C2orf66: variants seen among roughly 807,000 people sequenced by gnomAD.
The protein encoded by C2orf66 is uncharacterized protein C2orf66.
C2orf66 carries 6 observed loss-of-function variants against 7.0 expected under a neutral mutation model. The observed-to-expected ratio is 0.86, with a 90% CI of 0.47 to 1.69. The LOEUF (loss-of-function observed/expected upper bound fraction) is 1.69, where lower values mean the gene tolerates loss of function less well. Among genes scored for constraint, C2orf66 ranks in the 40% most tolerant of loss-of-function variants. The probability of loss-of-function intolerance (pLI) is 0.01; values close to 1 mark genes in which losing one functional copy is unlikely to be tolerated. For synonymous variants in C2orf66, 38 were observed against 43.8 expected (o/e 0.87, Z 0.52); for missense variants, 107 against 112.0 (o/e 0.96, Z 0.20).
intron 2 of C2orf66, among the ~76,000 whole-genome samples, chr2:196,806,355 G>A (rs566491418): frequency 3.3e-5 from 5 of 151,882 alleles, no homozygotes; most frequent in African/African-American, 7.2e-5. Flanking sequence ...TGGCCACCAC[G>A]CCCATCTGAT....
chr2:196,821,928 CTTTTTTTTTTT>C, the C2orf66 span, among the ~76,000 whole-genome samples: 1 of 32,274 alleles, frequency 3.1e-5, no homozygotes, highest in African/African-American at 1.2e-4. Context: ...AACCAGTGAG[CTTTTTTTTTTT>C]TTTTTTTTTT....
the C2orf66 span, among the ~76,000 whole-genome samples, chr2:196,828,232 A>T: frequency 0.032 from 1,744 of 53,804 alleles, 14 homozygotes; most frequent in East Asian, 0.056. Context: ...TCTCTCTCTC[A>T]CACACACACA....
At chr2:196,809,560 A>T, upstream of C2orf66, 1 of 542,084 alleles carries the variant, frequency 1.8e-6, no homozygotes, top group Non-Finnish European at 3.3e-6. Flanking sequence ...GCCCATGATA[A>T]TGAGAATGTT....
the C2orf66 span, among the ~76,000 whole-genome samples, chr2:196,827,062 C>A: frequency 8.6e-5 from 13 of 151,344 alleles, no homozygotes; most frequent in African/African-American, 2.2e-4. Context: ...CAAAACAAAA[C>A]AAAGCAATTG....
At chr2:196,819,916 T>G in the C2orf66 span, among the ~76,000 whole-genome samples, 1 of 152,204 alleles carries the variant, frequency 6.6e-6, no homozygotes, top group Non-Finnish European at 1.5e-5. Context: ...GAATAGTCAA[T>G]AGACCAGTAA....
the C2orf66 span, among the ~76,000 whole-genome samples, chr2:196,822,065 C>T: frequency 6.7e-6 from 1 of 148,552 alleles, no homozygotes; most frequent in East Asian, 2.1e-4. Flanking sequence ...CAGGCATGTG[C>T]CACCATGCCC....
At chr2:196,807,374 T>C in intron 2 of C2orf66, 50 bp downstream of exon 2, 4 of 1,057,250 alleles carry the variant, frequency 3.8e-6, no homozygotes, top group East Asian at 2.4e-5. Flanking sequence ...ATCTACTTTA[T>C]GGCTGACTTG....
chr2:196,822,147 T>G, the C2orf66 span, among the ~76,000 whole-genome samples: 2 of 151,676 alleles, frequency 1.3e-5, no homozygotes, highest in Non-Finnish European at 2.9e-5. Context: ...TCTCCTGACC[T>G]CAAAATCTGC....
At chr2:196,809,631 C>T, upstream of C2orf66, 2 of 316,604 alleles carry the variant, frequency 6.3e-6, no homozygotes, top group East Asian at 9.8e-5. Flanking sequence ...ATGCCTTTTT[C>T]ATCTTTGGAA....
At chr2:196,827,440 T>C in the C2orf66 span, among the ~76,000 whole-genome samples, 1 of 151,996 alleles carries the variant, frequency 6.6e-6, no homozygotes, top group South Asian at 2.1e-4. Flanking sequence ...CTCCAGTAGG[T>C]CAAAATCTTT....
the C2orf66 span, among the ~76,000 whole-genome samples, chr2:196,820,626 T>C: frequency 6.6e-6 from 1 of 152,166 alleles, no homozygotes; most frequent in African/African-American, 2.4e-5. Context: ...ATAAGAGAGA[T>C]TGAGTTTTCA....
upstream of C2orf66, among the ~76,000 whole-genome samples, chr2:196,812,134 TGA>T (rs1169749433): frequency 1.3e-5 from 2 of 152,222 alleles, no homozygotes; most frequent in Non-Finnish European, 2.9e-5. Flanking sequence ...TGTTAAAATA[TGA>T]GAGACTTGTT....
At chr2:196,820,931 G>C in the C2orf66 span, among the ~76,000 whole-genome samples, 2 of 152,174 alleles carry the variant, frequency 1.3e-5, no homozygotes, top group Non-Finnish European at 2.9e-5. Context: ...TTGGAAGAAA[G>C]GTCTTTGTAT....
chr2:196,819,105 C>A, the C2orf66 span, among the ~76,000 whole-genome samples: 2 of 152,122 alleles, frequency 1.3e-5, no homozygotes, highest in African/African-American at 4.8e-5. Flanking sequence ...CCTTGTATGC[C>A]CTCATAATTT....
At chr2:196,823,583 C>T in the C2orf66 span, among the ~76,000 whole-genome samples, 4 of 151,714 alleles carry the variant, frequency 2.6e-5, no homozygotes, top group East Asian at 1.9e-4. Context: ...GCTGAGATCA[C>T]GCCACTGCAC....
intron 1 of C2orf66, among the ~76,000 whole-genome samples, chr2:196,808,364 T>C (rs576692903): frequency 6.6e-6 from 1 of 152,166 alleles, no homozygotes; most frequent in Non-Finnish European, 1.5e-5. Context: ...TTTTGGGTCA[T>C]TGCCATGGAA....
At chr2:196,822,633 A>G in the C2orf66 span, among the ~76,000 whole-genome samples, 1 of 150,248 alleles carries the variant, frequency 6.7e-6, no homozygotes, top group South Asian at 2.1e-4. Flanking sequence ...AGCATATTGC[A>G]TTTTTTTTTC....
chr2:196,821,892 T>C, the C2orf66 span, among the ~76,000 whole-genome samples: 2 of 149,232 alleles, frequency 1.3e-5, no homozygotes, highest in South Asian at 4.3e-4. Context: ...TTTAGTGCTA[T>C]TAATCAATTG....
chr2:196,816,649 A>G, the C2orf66 span, among the ~76,000 whole-genome samples: 2 of 152,212 alleles, frequency 1.3e-5, no homozygotes, highest in African/African-American at 4.8e-5. Context: ...TGCATCACGC[A>G]ATATACCCAG....
Sources: gnomAD v4.1 joint callset for allele counts (sites outside exome capture counted in the v4.1 genomes callset) on GRCh38, gnomAD v4.1.1 for gene constraint, MANE v1.5 for transcripts, NCBI Gene and HGNC (gene_info 2026-07-23, HGNC 2026-07-21) for gene names.